CSPP1: variants seen among roughly 807,000 people sequenced by gnomAD.
CSPP1 encodes centrosome and spindle pole-associated protein 1.
A neutral mutation model predicts 164.4 loss-of-function variants in CSPP1; 126 were observed. The observed-to-expected ratio is 0.77, with a 90% CI of 0.66 to 0.89. The LOEUF (loss-of-function observed/expected upper bound fraction) is 0.89, where lower values mean the gene tolerates loss of function less well. Ranked by LOEUF, CSPP1 falls within the 40% of genes least tolerant of loss-of-function variation. CSPP1 has a pLI of 0.00. For synonymous variants in CSPP1, 472 were observed against 476.7 expected, an observed-to-expected ratio of 0.99 and a Z score of 0.13; for missense variants, 1,395 against 1,449.8, an observed-to-expected ratio of 0.96 and a Z score of 0.61.
At chr8:67,177,875 G>T in intron 27 of CSPP1, 149 bp downstream of exon 27, 2 of 685,830 alleles carry the variant, frequency 2.9e-6, no homozygotes, top group Non-Finnish European at 5.3e-6. Context: ...AGCTTGAGAA[G>T]TGTTAGTGTA....
intron 26 of CSPP1, 22 bp downstream of exon 26, chr8:67,175,458 GT>G (rs1563757112): frequency 1.2e-6 from 2 of 1,613,444 alleles, no homozygotes; most frequent in Admixed American, 3.3e-5. Context: ...TCATTGCTGT[GT>G]CAAATAGTAT....
chr8:67,184,208 GAAGA>G (rs1470126111), intron 28 of CSPP1, among the ~76,000 whole-genome samples: 2 of 152,250 alleles, frequency 1.3e-5, no homozygotes, highest in South Asian at 2.1e-4. Flanking sequence ...GTGCATACAT[GAAGA>G]AAGTAGAAAG....
At chr8:67,162,409 G>T (rs1828539990) in intron 22 of CSPP1, among the ~76,000 whole-genome samples, 1 of 152,238 alleles carries the variant, frequency 6.6e-6, no homozygotes, top group African/African-American at 2.4e-5. Flanking sequence ...GTCAGAACAT[G>T]TGTGGCATGC....
intron 28 of CSPP1, 35 bp from the exon 29 acceptor site, chr8:67,190,615 A>G (rs1327162986): frequency 1.3e-6 from 2 of 1,503,924 alleles, no homozygotes; most frequent in African/African-American, 2.8e-5. Flanking sequence ...TTGAAGCAGT[A>G]TTAAGACTCC....
chr8:67,135,117 C>T (rs1307150827), intron 16 of CSPP1: 2 of 152,128 alleles, frequency 1.3e-5, no homozygotes, highest in Admixed American at 6.6e-5. Context: ...TTCTGGGTGA[C>T]TTGTTGCAGC....
chr8:67,176,709 G>A (rs1311344073), intron 26 of CSPP1, among the ~76,000 whole-genome samples: 1 of 152,074 alleles, frequency 6.6e-6, no homozygotes, highest in African/African-American at 2.4e-5. Flanking sequence ...TAGCACTGAA[G>A]GTATCTATCT....
chr8:67,151,591 T>C (rs569470301), intron 18 of CSPP1, among the ~76,000 whole-genome samples: 1 of 152,258 alleles, frequency 6.6e-6, no homozygotes, highest in South Asian at 2.1e-4. Flanking sequence ...CCATGATCCC[T>C]TCCCAAAAGC....
At chr8:67,070,404 A>C (rs1384030027) in intron 1 of CSPP1, among the ~76,000 whole-genome samples, 1 of 150,092 alleles carries the variant, frequency 6.7e-6, no homozygotes, top group Non-Finnish European at 1.5e-5. Flanking sequence ...TGGAGCTTGC[A>C]GTGAGCCGAG....
Position 67,118,637 on chromosome 8 carries a change from T to G in CSPP1, c.1619-106T>G, listed in dbSNP as rs577601494. The G allele has an allele frequency of 1.0e-5, 8 of 801,948 alleles. No individual in the cohort carries two copies. The South Asian group carries it at 1.1e-4, about 11-fold the overall frequency. 49.7% of individuals were successfully genotyped at this position (801,948 alleles called of 1,614,324 possible). On this transcript the variant is annotated intron_variant, in intron 14 of 30. Transcript: ENST00000678616. ...CCAGAAGGAAATATTGATGGTTTTC[T>G]CTATGTAACATTTTGATTATGCACC...
chr8:67,179,531 T>C (rs1300530822), intron 27 of CSPP1, among the ~76,000 whole-genome samples: 1 of 152,246 alleles, frequency 6.6e-6, no homozygotes, highest in East Asian at 1.9e-4. Flanking sequence ...TCATACTGTA[T>C]TATATTTTCC....
At chr8:67,079,864 T>C (rs181028966) in intron 3 of CSPP1, among the ~76,000 whole-genome samples, 1 of 152,226 alleles carries the variant, frequency 6.6e-6, no homozygotes, top group Non-Finnish European at 1.5e-5. Context: ...TGCGCAGCAC[T>C]TACTGCTTGG....
At chr8:67,137,333 G>GAAA in intron 16 of CSPP1, 123 bp from the exon 17 acceptor site, 7 of 524,164 alleles carry the variant, frequency 1.3e-5, no homozygotes, top group Non-Finnish European at 2.1e-5. Flanking sequence ...GTACACTGGG[G>GAAA]AAAAAAAAAA....
chr8:67,176,852 A>G (rs946159247), intron 26 of CSPP1, among the ~76,000 whole-genome samples: 1 of 152,036 alleles, frequency 6.6e-6, no homozygotes, highest in East Asian at 1.9e-4. Context: ...TGGGCGGATC[A>G]TGAGGTCAGG....
intron 1 of CSPP1, among the ~76,000 whole-genome samples, chr8:67,069,744 C>T (rs1016840991): frequency 1.3e-5 from 2 of 151,264 alleles, no homozygotes; most frequent in Non-Finnish European, 2.9e-5. Context: ...CTGCAACTTC[C>T]ACCTGCCTGG....
intron 4 of CSPP1, chr8:67,086,797 C>T (rs754492836): frequency 6.8e-6 from 9 of 1,331,504 alleles, no homozygotes; most frequent in African/African-American, 1.5e-5. Context: ...TACACTTTGT[C>T]AATGGTTTGT....
chr8:67,088,787 C>T (rs1810982421), intron 4 of CSPP1, among the ~76,000 whole-genome samples: 1 of 151,216 alleles, frequency 6.6e-6, no homozygotes. Context: ...GTCCCAGCTA[C>T]TCGGGAGGCT....
Position 67,103,154 on chromosome 8 carries a change from A to G in CSPP1, c.1022+19A>G. 7.0e-7 allele frequency: 1 copy of G among 1,423,776 alleles called. No homozygotes were observed. Among genetic ancestry groups the G allele is most frequent in the Non-Finnish European group, 9.9e-7 (1 of 1,010,084 alleles). 88.2% of individuals were successfully genotyped at this position (1,423,776 alleles called of 1,614,324 possible). The stretch of plus-strand genomic sequence containing the variant: ...ATAAAAGGTACAGTATGTAATATAA[A>G]TTCTCTGCTTTAGTCATTACATTGT... On this transcript the variant is annotated intron_variant, in intron 8 of 30. Transcript: ENST00000678616.
intron 19 of CSPP1, chr8:67,157,980 T>A (rs1826990509): frequency 6.6e-6 from 1 of 152,250 alleles, no homozygotes. Flanking sequence ...AAAAAATGAT[T>A]GAATACTAAA....
At chr8:67,097,212 T>C (rs1398054508) in intron 7 of CSPP1, among the ~76,000 whole-genome samples, 2 of 152,196 alleles carry the variant, frequency 1.3e-5, no homozygotes, top group Non-Finnish European at 1.5e-5. Flanking sequence ...CTAGTCCAAA[T>C]AGATTAGTTT....
Sources: allele counts gnomAD v4.1 joint callset (sites outside exome capture counted in the v4.1 genomes callset), GRCh38; gene constraint gnomAD v4.1.1; transcripts MANE v1.5; gene names NCBI Gene and HGNC (gene_info 2026-07-23, HGNC 2026-07-21).